The following INCENP variants were observed in gnomAD, a reference collection of about 807,000 sequenced individuals.
INCENP encodes the protein inner centromere protein, also known as binds and activates aurora-B and -C in vivo and in vitro.
INCENP carries 43 observed loss-of-function variants against 107.3 expected under a neutral mutation model. The ratio of observed to expected loss-of-function variants is 0.40; its 90% CI spans 0.31 to 0.52. The LOEUF (loss-of-function observed/expected upper bound fraction) is 0.52. Among genes scored for constraint, INCENP ranks in the 20% least tolerant of loss-of-function variants. The probability of loss-of-function intolerance (pLI) is 0.53; values close to 1 mark genes in which losing one functional copy is unlikely to be tolerated. For missense variants in INCENP, 1,089 were observed against 1,250.9 expected, an observed-to-expected ratio of 0.87 and a Z score of 1.95; for synonymous variants, 488 against 494.4, an observed-to-expected ratio of 0.99 and a Z score of 0.17.
intron 11 of INCENP, among the ~76,000 whole-genome samples, chr11:62,143,920 C>G (rs1412542263): frequency 6.6e-6 from 1 of 152,268 alleles, no homozygotes; most frequent in Non-Finnish European, 1.5e-5. Flanking sequence ...CTGCCCATCC[C>G]TGCTGGCTGC....
chr11:62,143,549 A>C (rs1333512783), intron 11 of INCENP, among the ~76,000 whole-genome samples: 2 of 152,092 alleles, frequency 1.3e-5, no homozygotes, highest in Non-Finnish European at 2.9e-5. Context: ...CGCTCCTTGC[A>C]TTCTGTCCAG....
intron 8 of INCENP, 139 bp downstream of exon 8, chr11:62,140,424 T>C: frequency 1.2e-6 from 1 of 822,430 alleles, no homozygotes; most frequent in Non-Finnish European, 2.0e-6. Flanking sequence ...TGTTGTGACT[T>C]AACCAAGGAG....
Position 62,145,018 on chromosome 11 carries a change from AAGG to A in INCENP, c.1649_1651del (p.Glu550del). The A allele has an allele frequency of 3.7e-6, 6 of 1,606,414 alleles. No individual in the cohort carries two copies. The highest frequency in any genetic ancestry group is 5.1e-6 in the Non-Finnish European group (6 of 1,177,818). ...GCAGCGCCTGGAGAATCTGCGGCGGAAGGAGGAGGCCGAGCAGCTGCGCAGGCA... is the reference window on the plus strand; with the variant it reads ...GCAGCGCCTGGAGAATCTGCGGCGGAAGGAGGCCGAGCAGCTGCGCAGGCA... On this transcript the variant is annotated inframe_deletion, in exon 12 of 19. Transcript: ENST00000394818.
At chr11:62,142,059 C>G (rs1944136569) in intron 11 of INCENP, among the ~76,000 whole-genome samples, 1 of 152,190 alleles carries the variant, frequency 6.6e-6, no homozygotes, top group Non-Finnish European at 1.5e-5. Context: ...CTGTTCTCTT[C>G]TCAGACACCT....
rs762886027 is a variant in INCENP at position 62,130,487 on chromosome 11, G to C, written c.960G>C (p.Gln320His). ...CCCCGAGTCCCCAAGTCTTAGCCCA[G>C]AAGTACTCTCTGGTGGCCAAACAGG... ...PSSPSPQVLAQKYSLVAKQES... is the reference protein window; with the variant it reads ...PSSPSPQVLAHKYSLVAKQES... Residue 320 changes from glutamine to histidine, a missense_variant, in exon 4 of 19, where the codon CAG becomes CAC. Coordinates refer to ENST00000394818, the MANE Select transcript of INCENP (RefSeq NM_001040694.2). 1.2e-6 allele frequency: 2 copies of C among 1,614,100 alleles called. No homozygotes were observed. Among genetic ancestry groups the C allele is most frequent in the Non-Finnish European group, 1.7e-6 (2 of 1,180,038 alleles).
In INCENP at chr11:62,145,011, G is replaced by T; in HGVS notation, c.1635G>T (p.Leu545=). The T allele has an allele frequency of 6.2e-7, 1 of 1,605,442 alleles. No homozygotes were observed. ...AGGAGCGGCAGCGCCTGGAGAATCT[G>T]CGGCGGAAGGAGGAGGCCGAGCAGC... The part of the protein sequence containing the change: ...VEKERQRLEN[L]RRKEEAEQLR... The change falls in exon 12 of 19, where the codon CTG becomes CTT. Residue 545 remains leucine (L), a synonymous_variant. Coordinates refer to ENST00000394818, the MANE Select transcript of INCENP (RefSeq NM_001040694.2).
intron 4 of INCENP, among the ~76,000 whole-genome samples, chr11:62,131,875 A>G (rs1943901328): frequency 6.6e-6 from 1 of 151,896 alleles, no homozygotes; most frequent in African/African-American, 2.4e-5. Context: ...CATGCATCTC[A>G]GGTTCAAGCA....
chr11:62,128,167 G>T lies in INCENP; in HGVS notation c.6G>T (p.Gly2=). 1 of 1,614,160 alleles carries T rather than the reference G, an allele frequency of 6.2e-7. No homozygotes were observed. Among genetic ancestry groups the T allele is most frequent in the Non-Finnish European group, 8.5e-7 (1 of 1,180,016 alleles). M[G]TTAPGPIHLL... is the part of the protein sequence containing the mutation. ...CTTCACCAGACAGAGCCACCATGGG[G>T]ACGACGGCCCCAGGGCCCATTCACC... Residue 2 remains glycine, a synonymous_variant, in exon 2 of 19, where the codon GGG becomes GGT. Coordinates refer to ENST00000394818, the MANE Select transcript of INCENP (RefSeq NM_001040694.2).
At chr11:62,140,589 T>G in intron 8 of INCENP, 115 bp from the exon 9 acceptor site, 1 of 876,602 alleles carries the variant, frequency 1.1e-6, no homozygotes. Flanking sequence ...TGCAGCCTCT[T>G]TCAGTCTAGA....
chr11:62,125,440 G>A (rs1245302078), intron 1 of INCENP, among the ~76,000 whole-genome samples: 1 of 152,228 alleles, frequency 6.6e-6, no homozygotes, highest in African/African-American at 2.4e-5. Flanking sequence ...CTGAGGTCCT[G>A]CGCTTTGCCA....
intron 11 of INCENP, among the ~76,000 whole-genome samples, chr11:62,142,621 A>T (rs1944148480): frequency 6.6e-6 from 1 of 152,210 alleles, no homozygotes. Flanking sequence ...GACAATGTTG[A>T]TATTTTCTCA....
Position 62,151,993 on chromosome 11 carries a change from T to C in INCENP, c.*17T>C, listed in dbSNP as rs1944385562. 5 of 1,587,982 alleles carry C rather than the reference T, an allele frequency of 3.1e-6. No homozygotes were observed. The highest frequency in any genetic ancestry group is 2.7e-5 in the African/African-American group (2 of 74,482). On this transcript the variant is annotated 3_prime_UTR_variant, in exon 19 of 19. Transcript: ENST00000394818. ...AAGCACTGAGGCTGGCCTGCGGCCT[T>C]CTTGGCAGCCTCGCCTCCTGTCCAT...
chr11:62,142,541 G>A (rs973619529), intron 11 of INCENP, among the ~76,000 whole-genome samples: 2 of 152,244 alleles, frequency 1.3e-5, no homozygotes, highest in African/African-American at 4.8e-5. Context: ...AGACCAGGGG[G>A]CTACGGAGTC....
At chr11:62,139,039 G>C (rs376622668) in intron 7 of INCENP, 34 bp downstream of exon 7, 9 of 1,501,202 alleles carry the variant, frequency 6.0e-6, no homozygotes, top group Admixed American at 1.7e-5. Flanking sequence ...TGCAGTGCCC[G>C]GAGCCACAGC....
intron 17 of INCENP, 133 bp from the exon 18 acceptor site, chr11:62,149,924 A>C (rs1944336982): frequency 1.5e-5 from 14 of 916,130 alleles, no homozygotes; most frequent in Non-Finnish European, 2.3e-5. Flanking sequence ...TGTCTCAAAA[A>C]AAAAGAAAAA....
chr11:62,144,849 C>G (rs1944202839), intron 11 of INCENP, 133 bp from the exon 12 acceptor site: 1 of 844,370 alleles, frequency 1.2e-6, no homozygotes, highest in African/African-American at 1.7e-5. Context: ...GTTGGGGATA[C>G]CTCTGCCTAA....
intron 16 of INCENP, 33 bp from the exon 17 acceptor site, chr11:62,148,706 C>T: frequency 6.5e-7 from 1 of 1,527,114 alleles, no homozygotes. Context: ...ACCTGCACAG[C>T]TCCCTAACAC....
intron 15 of INCENP, 109 bp from the exon 16 acceptor site, chr11:62,148,367 T>C: frequency 9.9e-7 from 1 of 1,006,200 alleles, no homozygotes; most frequent in Non-Finnish European, 1.5e-6. Context: ...CAATCCCACT[T>C]TCTAAGGTGT....
At chr11:62,151,298 C>G (rs893603020) in intron 18 of INCENP, among the ~76,000 whole-genome samples, 4 of 152,190 alleles carry the variant, frequency 2.6e-5, no homozygotes, top group African/African-American at 4.8e-5. Flanking sequence ...TTCCCACATC[C>G]ACTGCCCAGA....
Sources: gnomAD v4.1 joint callset for allele counts (sites outside exome capture counted in the v4.1 genomes callset) on GRCh38, gnomAD v4.1.1 for gene constraint, MANE v1.5 for transcripts, NCBI Gene and HGNC (gene_info 2026-07-23, HGNC 2026-07-21) for gene names.